The following TAF3 variants were observed in gnomAD, a reference collection of about 807,000 sequenced individuals.
TAF3 encodes transcription initiation factor TFIID subunit 3.
A neutral mutation model predicts 80.6 loss-of-function variants in TAF3; 7 were observed. The ratio of observed to expected loss-of-function variants is 0.09; its 90% CI spans 0.05 to 0.16. The LOEUF (loss-of-function observed/expected upper bound fraction) is 0.16, where lower values mean the gene tolerates loss of function less well. Among genes scored for constraint, TAF3 ranks in the 10% least tolerant of loss-of-function variants. The pLI is 1.00. For synonymous variants in TAF3, 444 were observed against 446.1 expected, an observed-to-expected ratio of 1.00 and a Z score of 0.06; for missense variants, 921 against 1,140.2, an observed-to-expected ratio of 0.81 and a Z score of 2.77.
At chr10:7,826,036 T>C (rs766487786) in intron 2 of TAF3, among the ~76,000 whole-genome samples, 17 of 152,250 alleles carry the variant, frequency 1.1e-4, no homozygotes, top group Non-Finnish European at 1.8e-4. Flanking sequence ...CATTTTGAAG[T>C]GTTACCTATT....
At chr10:7,818,949 C>T in intron 1 of TAF3, 74 bp downstream of exon 1, 1 of 1,313,696 alleles carries the variant, frequency 7.6e-7, no homozygotes, top group Non-Finnish European at 9.7e-7. Context: ...CCTGTCCCTC[C>T]GCGTCCCCGG....
At chr10:7,971,130 A>G (rs1463413324) in intron 3 of TAF3, among the ~76,000 whole-genome samples, 1 of 152,180 alleles carries the variant, frequency 6.6e-6, no homozygotes, top group Non-Finnish European at 1.5e-5. Context: ...GGGAAAGCTC[A>G]TATTCTGTCT....
chr10:7,984,488 T>G (rs1433342595), intron 4 of TAF3, among the ~76,000 whole-genome samples: 3 of 152,210 alleles, frequency 2.0e-5, no homozygotes, highest in Non-Finnish European at 4.4e-5. Context: ...AGAGCTAATT[T>G]TGTTCTTTAA....
chr10:7,933,721 C>T (rs1161477267), intron 2 of TAF3, among the ~76,000 whole-genome samples: 1 of 152,116 alleles, frequency 6.6e-6, no homozygotes, highest in African/African-American at 2.4e-5. Context: ...CTGTAATCCT[C>T]AATTCTCAAA....
chr10:7,887,150 T>C (rs1424813539), intron 2 of TAF3, among the ~76,000 whole-genome samples: 2 of 151,510 alleles, frequency 1.3e-5, no homozygotes, highest in Non-Finnish European at 2.9e-5. Context: ...GAGAATTGCT[T>C]GAACCCGGGA....
At chr10:7,948,065 A>AT (rs148895542) in intron 2 of TAF3, among the ~76,000 whole-genome samples, 28,188 of 143,088 alleles carry the variant, frequency 0.2, 2,874 homozygotes, top group Non-Finnish European at 0.23. Context: ...TATGACTCTG[A>AT]TTTTTTTTTT....
intron 2 of TAF3, among the ~76,000 whole-genome samples, chr10:7,930,196 AAAAC>A (rs1394094558): frequency 6.6e-6 from 1 of 152,216 alleles, no homozygotes; most frequent in Non-Finnish European, 1.5e-5. Context: ...GCACCCTCTC[AAAAC>A]AAACAAACAA....
chr10:7,863,622 A>ATAT lies in TAF3; in HGVS notation c.409+39062_409+39063insTAT, dbSNP rs1403963111. The stretch of plus-strand genomic sequence containing the variant: ...AAAACTCTGTCTAAAAAAAAAAAAA[A>ATAT]AAAAATATATATATATATATATATA... On this transcript the variant is annotated intron_variant, in intron 2 of 6. Coordinates refer to ENST00000344293, the MANE Select transcript of TAF3 (RefSeq NM_031923.4). Among the ~76,000 whole-genome samples, 122 of 68,578 alleles carry ATAT rather than the reference A, an allele frequency of 1.8e-3. 3 individuals carry two copies. Among genetic ancestry groups the ATAT allele is most frequent in the Non-Finnish European group, 2.3e-3 (83 of 35,980 alleles). 45.0% of individuals were successfully genotyped at this position (68,578 alleles called of 152,430 possible).
At chr10:7,822,696 T>C (rs968639629) in intron 1 of TAF3, among the ~76,000 whole-genome samples, 2 of 152,198 alleles carry the variant, frequency 1.3e-5, no homozygotes, top group Non-Finnish European at 2.9e-5. Context: ...TGTGATTTAA[T>C]TTCAGACATA....
At chr10:7,907,167 T>G (rs192017130) in intron 2 of TAF3, among the ~76,000 whole-genome samples, 53 of 152,244 alleles carry the variant, frequency 3.5e-4, no homozygotes, top group Admixed American at 3.5e-3. Flanking sequence ...CTGGATCTCC[T>G]GGAGTTGAAA....
chr10:7,926,752 A>C (rs183733832), intron 2 of TAF3, among the ~76,000 whole-genome samples: 1,763 of 152,286 alleles, frequency 0.012, 17 homozygotes, highest in Non-Finnish European at 0.015. Context: ...ATTTGAGCCC[A>C]TTATATCTAA....
At chr10:7,945,110 A>G (rs936682839) in intron 2 of TAF3, among the ~76,000 whole-genome samples, 1 of 152,168 alleles carries the variant, frequency 6.6e-6, no homozygotes, top group Non-Finnish European at 1.5e-5. Context: ...TGTCCCAGAG[A>G]TGGGCAGCCT....
intron 4 of TAF3, among the ~76,000 whole-genome samples, chr10:7,990,290 AG>A (rs1461471461): frequency 2.6e-5 from 4 of 152,338 alleles, no homozygotes; most frequent in African/African-American, 9.6e-5. Context: ...CACAATTGTG[AG>A]TGGTAAATGG....
Position 8,016,202 on chromosome 10 carries a change from G to T in TAF3, c.*1451G>T, listed in dbSNP as rs1332309454. ...AAATAATCCCAGTGTAGGCCCATGT[G>T]CTGGATCTGTTGGATGCTAGAATAT... is the stretch of plus-strand genomic sequence containing the variant. On this transcript the variant is annotated 3_prime_UTR_variant, in exon 7 of 7. Coordinates refer to ENST00000344293, the MANE Select transcript of TAF3 (RefSeq NM_031923.4). The T allele has an allele frequency of 3.9e-5, 6 of 152,194 alleles. No homozygotes were observed. Among genetic ancestry groups the T allele is most frequent in the Admixed American group, 3.9e-4 (6 of 15,274 alleles). 9.4% of individuals were successfully genotyped at this position (152,194 alleles called of 1,614,324 possible). A position where few individuals can be genotyped will look rare whatever the true frequency, so the allele number is the denominator to read the frequency against.
intron 2 of TAF3, among the ~76,000 whole-genome samples, chr10:7,918,196 A>T (rs1487419074): frequency 1.3e-5 from 2 of 152,150 alleles, no homozygotes; most frequent in Admixed American, 6.5e-5. Context: ...ACAGTTAAGG[A>T]CTGGGAGTGG....
At chr10:7,898,848 A>C (rs909930980) in intron 2 of TAF3, among the ~76,000 whole-genome samples, 1 of 151,742 alleles carries the variant, frequency 6.6e-6, no homozygotes, top group African/African-American at 2.4e-5. Flanking sequence ...GATGATCTCA[A>C]ATGTTGTGGA....
chr10:7,856,369 A>T lies in TAF3; in HGVS notation c.409+31809A>T, dbSNP rs1837079937. 2.0e-5 allele frequency among the ~76,000 whole-genome samples: 3 copies of T among 151,862 alleles called. No individual in the cohort carries two copies. In the South Asian group the frequency reaches 6.2e-4, roughly 32 times the overall value. ...TGCGTGTGTACCTGTAATCCCAGCT[A>T]CTCGGGAGGCCGAGGCAGGAGAATC... is the stretch of plus-strand genomic sequence containing the variant. On this transcript the variant is annotated intron_variant, in intron 2 of 6. Transcript: ENST00000344293.
chr10:7,918,488 G>A (rs1202493132), intron 2 of TAF3, among the ~76,000 whole-genome samples: 1 of 152,196 alleles, frequency 6.6e-6, no homozygotes, highest in African/African-American at 2.4e-5. Flanking sequence ...CTGTGAGCTA[G>A]TTCAAGTTCA....
intron 2 of TAF3, among the ~76,000 whole-genome samples, chr10:7,830,473 CTTTTTT>C (rs1176707860): frequency 1.8e-3 from 106 of 57,704 alleles, no homozygotes; most frequent in South Asian, 2.5e-3. Context: ...CTTTACATGT[CTTTTTT>C]TTTTTTTTTT....
Sources: allele counts gnomAD v4.1 joint callset (sites outside exome capture counted in the v4.1 genomes callset), GRCh38; gene constraint gnomAD v4.1.1; transcripts MANE v1.5; gene names NCBI Gene and HGNC (gene_info 2026-07-23, HGNC 2026-07-21).